ANKRD44: variants seen among roughly 807,000 people sequenced by gnomAD.
The protein encoded by ANKRD44 is serine/threonine-protein phosphatase 6 regulatory ankyrin repeat subunit B.
In ANKRD44, 35 loss-of-function variants were observed where a neutral mutation model predicts 116.0. The ratio of observed to expected loss-of-function variants is 0.30; its 90% CI spans 0.23 to 0.40. ANKRD44 has a LOEUF of 0.40. ANKRD44 is among the 10% of genes least tolerant of loss of function. The pLI is 1.00. For synonymous variants in ANKRD44, 435 were observed against 461.8 expected (o/e 0.94, Z 0.74); for missense variants, 1,014 against 1,242.6 (o/e 0.82, Z 2.77).
intron 3 of ANKRD44, among the ~76,000 whole-genome samples, chr2:197,145,247 C>T (rs1250105585): frequency 1.3e-5 from 2 of 151,860 alleles, no homozygotes; most frequent in Non-Finnish European, 2.9e-5. Context: ...GCTGAGATCA[C>T]GCCACTGCAC....
chr2:197,098,206 T>C (rs2078207731), intron 10 of ANKRD44, among the ~76,000 whole-genome samples: 1 of 152,194 alleles, frequency 6.6e-6, no homozygotes, highest in Non-Finnish European at 1.5e-5. Context: ...ACTCAGTAAT[T>C]TGTGCTTGTT....
chr2:197,069,229 C>T (rs145855622), intron 16 of ANKRD44, among the ~76,000 whole-genome samples: 8,709 of 151,512 alleles, frequency 0.057, 299 homozygotes, highest in Middle Eastern at 0.086. Flanking sequence ...TGTTCTCACT[C>T]ATAGGTGGGA....
intron 2 of ANKRD44, among the ~76,000 whole-genome samples, chr2:197,179,914 G>A (rs1198543577): frequency 1.3e-5 from 2 of 152,168 alleles, no homozygotes; most frequent in African/African-American, 4.8e-5. Flanking sequence ...CCCACATCCT[G>A]GGCAGGGGTC....
rs552142352 is a variant in ANKRD44 at position 197,203,904 on chromosome 2, T to C, written c.28-16798A>G. Among the ~76,000 whole-genome samples, 1 of 152,218 alleles carries C rather than the reference T, an allele frequency of 6.6e-6. No individual in the cohort carries two copies. Among genetic ancestry groups the C allele is most frequent in the African/African-American group, 2.4e-5 (1 of 41,522 alleles). The stretch of plus-strand genomic sequence containing the variant: ...GCTGTATGATTCCATTTATATGAAA[T>C]AGCCACACATAGAAACAGAAAGCTG... On this transcript the variant is annotated intron_variant, in intron 1 of 27. Coordinates refer to ENST00000282272, the MANE Select transcript of ANKRD44 (RefSeq NM_001195144.2). The surrounding 1 kb of genome is among the most constrained non-coding windows in gnomAD (Gnocchi z 4.1).
In ANKRD44 at chr2:196,988,769, T is replaced by C. The variant is rs1219699453; in HGVS notation, c.*822A>G. Reference sequence around the variant, plus strand: ...CTCTTCCTCAAGTAGAAAATAGCACTTGAGCTGGTGATTTTTATTTCTCCT... The same window carrying C: ...CTCTTCCTCAAGTAGAAAATAGCACCTGAGCTGGTGATTTTTATTTCTCCT... On this transcript the variant is annotated 3_prime_UTR_variant, in exon 28 of 28. Coordinates refer to ENST00000282272, the MANE Select transcript of ANKRD44 (RefSeq NM_001195144.2). 1.0e-6 allele frequency: 1 copy of C among 985,340 alleles called. No homozygotes were observed. Among genetic ancestry groups the C allele is most frequent in the African/African-American group, 1.7e-5 (1 of 57,236 alleles). The allele number at this position is 985,340 out of a possible 1,614,324, so 61.0% of individuals were successfully genotyped here. A position where few individuals can be genotyped will look rare whatever the true frequency, so the allele number is the denominator to read the frequency against.
chr2:197,065,044 T>A (rs1036309699), intron 16 of ANKRD44, among the ~76,000 whole-genome samples: 5 of 152,168 alleles, frequency 3.3e-5, no homozygotes, highest in African/African-American at 4.8e-5. Context: ...ATTGACCACA[T>A]AGTTGGAAGT....
At chr2:197,070,301 A>T (rs1249166820) in intron 16 of ANKRD44, among the ~76,000 whole-genome samples, 1 of 152,162 alleles carries the variant, frequency 6.6e-6, no homozygotes, top group Non-Finnish European at 1.5e-5. Context: ...GTATAAGAAG[A>T]CATCCTTGAC....
chr2:196,992,067 A>C (rs1276869299), intron 27 of ANKRD44, among the ~76,000 whole-genome samples: 3 of 152,150 alleles, frequency 2.0e-5, no homozygotes, highest in African/African-American at 7.2e-5. Flanking sequence ...TTCCTTGGGG[A>C]GGTAGATTAA....
chr2:196,987,092 A>C lies in ANKRD44; in HGVS notation c.*2499T>G, dbSNP rs1170368836. The C allele has an allele frequency of 5.1e-6, 5 of 984,780 alleles. No homozygotes were observed. The East Asian group carries it at 3.4e-4, about 67-fold the overall frequency. The allele number at this position is 984,780 out of a possible 1,614,324, so 61.0% of individuals were successfully genotyped here. On this transcript the variant is annotated 3_prime_UTR_variant, in exon 28 of 28. Transcript: ENST00000282272. ...GATATTTGCATTGAATTTTTAGATC[A>C]CATAAGAAACGCATAGAATTACATT...
At chr2:196,973,925 C>T (rs2075737846) in intron 21 of ANKRD44, among the ~76,000 whole-genome samples, 1 of 152,024 alleles carries the variant, frequency 6.6e-6, no homozygotes, top group Non-Finnish European at 1.5e-5. Flanking sequence ...TCTGTGAAGC[C>T]CTTTCTTAAG....
chr2:197,099,197 C>T (rs2078233295), intron 10 of ANKRD44, among the ~76,000 whole-genome samples: 1 of 152,142 alleles, frequency 6.6e-6, no homozygotes, highest in Non-Finnish European at 1.5e-5. Flanking sequence ...CAAACATTTG[C>T]CACTTAAGTC....
At chr2:197,304,556 C>T (rs988705374) in intron 1 of ANKRD44, among the ~76,000 whole-genome samples, 4 of 152,142 alleles carry the variant, frequency 2.6e-5, no homozygotes, top group Non-Finnish European at 5.9e-5. Flanking sequence ...CATCGGTCTC[C>T]ATTACAGGCA....
At chr2:197,286,730 T>C (rs2083418203) in intron 1 of ANKRD44, among the ~76,000 whole-genome samples, 1 of 152,096 alleles carries the variant, frequency 6.6e-6, no homozygotes, top group Non-Finnish European at 1.5e-5. Context: ...CTGTACGAAT[T>C]GGTTTCTATT....
At chr2:197,255,189 ACACT>A (rs2082416734) in intron 1 of ANKRD44, among the ~76,000 whole-genome samples, 1 of 152,194 alleles carries the variant, frequency 6.6e-6, no homozygotes, top group Non-Finnish European at 1.5e-5. Flanking sequence ...AATGAAGAAG[ACACT>A]CAGAGAGAAG....
At chr2:197,123,561 G>A (rs2078906669) in intron 6 of ANKRD44, among the ~76,000 whole-genome samples, 1 of 152,212 alleles carries the variant, frequency 6.6e-6, no homozygotes, top group Non-Finnish European at 1.5e-5. Context: ...AACCTGGGAG[G>A]CAGAGGCTGC....
intron 2 of ANKRD44, among the ~76,000 whole-genome samples, chr2:197,154,183 T>C (rs1654444493): frequency 6.9e-6 from 1 of 144,074 alleles, no homozygotes; most frequent in East Asian, 2.0e-4. Context: ...TCTTTTTTTT[T>C]TTTTTTTTTT....
chr2:197,084,754 T>TA (rs147717960), intron 13 of ANKRD44, among the ~76,000 whole-genome samples: 11,726 of 151,312 alleles, frequency 0.077, 1,373 homozygotes, highest in African/African-American at 0.26. Flanking sequence ...CCTCTTTAGT[T>TA]AAAAAAAAAG....
rs928509157 is a variant in ANKRD44 at position 196,976,593 on chromosome 2, G to T, written c.2369-9147C>A. ...AAAATTTTAAGGAATCCAGCTGGGTGCAGTGGCTCATGCCTGTAATCCCAG... is the reference window on the plus strand; with the variant it reads ...AAAATTTTAAGGAATCCAGCTGGGTTCAGTGGCTCATGCCTGTAATCCCAG... On this transcript the variant is annotated intron_variant, in intron 21 of 21. Transcript: ENST00000424317. Among the ~76,000 whole-genome samples the T allele has an allele frequency of 6.9e-4, 105 of 152,278 alleles. 2 individuals are homozygous for T. Among genetic ancestry groups the T allele is most frequent in the African/African-American group, 2.3e-3 (96 of 41,552 alleles).
chr2:197,060,168 T>C (rs1177721491), intron 16 of ANKRD44, among the ~76,000 whole-genome samples: 1 of 152,210 alleles, frequency 6.6e-6, no homozygotes, highest in Non-Finnish European at 1.5e-5. Context: ...AACTACTGTA[T>C]CTTGTCATAG....
Sources: gnomAD v4.1 joint callset for allele counts (sites outside exome capture counted in the v4.1 genomes callset) on GRCh38, gnomAD v4.1.1 for gene constraint, Gnocchi (gnomAD v3.1) non-coding constraint, MANE v1.5 for transcripts, NCBI Gene and HGNC (gene_info 2026-07-23, HGNC 2026-07-21) for gene names.